Variants in DCP1A observed in about 807,000 individuals in gnomAD.
The protein encoded by DCP1A is mRNA-decapping enzyme 1A.
DCP1A carries 20 observed loss-of-function variants against 58.0 expected under a neutral mutation model. The observed-to-expected ratio is 0.34, with a 90% confidence interval of 0.24 to 0.50. The LOEUF (loss-of-function observed/expected upper bound fraction) is 0.50. Among genes scored for constraint, DCP1A ranks in the 20% least tolerant of loss-of-function variants. The pLI is 0.98. For missense variants in DCP1A, 613 were observed against 712.2 expected (o/e 0.86, Z 1.59); for synonymous variants, 285 against 275.1 (o/e 1.04, Z -0.36).
At chr3:53,294,179 C>T (rs1356712627) in intron 6 of DCP1A, among the ~76,000 whole-genome samples, 1 of 152,188 alleles carries the variant, frequency 6.6e-6, no homozygotes, top group Non-Finnish European at 1.5e-5. Context: ...AGGGCAATGG[C>T]AACATGTCCA....
chr3:53,290,382 C>A (rs999757314), intron 8 of DCP1A, among the ~76,000 whole-genome samples: 26 of 152,054 alleles, frequency 1.7e-4, no homozygotes, highest in Non-Finnish European at 3.4e-4. Flanking sequence ...TAGCAGTCAC[C>A]CATTCACAAA....
intron 3 of DCP1A, among the ~76,000 whole-genome samples, chr3:53,325,551 C>T (rs560719543): frequency 6.6e-6 from 1 of 152,198 alleles, no homozygotes; most frequent in South Asian, 2.1e-4. Context: ...AGATCTCTTA[C>T]ACCAGGAAAC....
At position 53,324,109 on chromosome 3, in the gene DCP1A, A is replaced by G. The variant is rs1032816914; in HGVS notation, c.305-4636T>C. On this transcript the variant is annotated intron_variant, in intron 3 of 9. Coordinates refer to ENST00000610213, the MANE Select transcript of DCP1A (RefSeq NM_018403.7). Reference sequence around the variant, plus strand: ...AAAAAATACAATATAATTTAGAAATAAGACACATGCCTTCTGCTTTTGTAT... The same window carrying G: ...AAAAAATACAATATAATTTAGAAATGAGACACATGCCTTCTGCTTTTGTAT... Among the ~76,000 whole-genome samples, 12 of 152,336 alleles carry G rather than the reference A, an allele frequency of 7.9e-5. No individual in the cohort carries two copies. In the South Asian group the frequency reaches 2.5e-3, roughly 32 times the overall value.
At chr3:53,325,843 A>T (rs1575613494) in intron 3 of DCP1A, among the ~76,000 whole-genome samples, 1 of 152,332 alleles carries the variant, frequency 6.6e-6, no homozygotes, top group East Asian at 1.9e-4. Flanking sequence ...TGGGATCATA[A>T]CAGATTTTGG....
At chr3:53,340,646 A>G (rs2089188656) in intron 3 of DCP1A, among the ~76,000 whole-genome samples, 1 of 151,226 alleles carries the variant, frequency 6.6e-6, no homozygotes, top group East Asian at 2.0e-4. Flanking sequence ...TTCTCCAACT[A>G]TATCCTTAGA....
rs1471591455 is a variant in DCP1A at position 53,287,217 on chromosome 3, AGGCTGGT to A, written c.*356_*362del. On this transcript the variant is annotated 3_prime_UTR_variant, in exon 10 of 10. Transcript: ENST00000610213. ...GGGGCCGGGCTGAACTTCTGCTGTG[AGGCTGGT>A]GACTACTCCTCTGTAAGTCCTTGAA... 3 of 179,864 alleles carry A rather than the reference AGGCTGGT, an allele frequency of 1.7e-5. No homozygotes were observed. The highest frequency in any genetic ancestry group is 3.5e-5 in the Non-Finnish European group (3 of 86,582). The allele number at this position is 179,864 out of a possible 1,614,324, so 11.1% of individuals were successfully genotyped here.
chr3:53,315,534 C>CAAAAAAA (rs1211486616), intron 4 of DCP1A, among the ~76,000 whole-genome samples: 1 of 64,988 alleles, frequency 1.5e-5, no homozygotes, highest in African/African-American at 6.4e-5. Context: ...GACTCTGTCT[C>CAAAAAAA]AAAAAAAAAA....
At chr3:53,325,176 T>A (rs901722292) in intron 3 of DCP1A, among the ~76,000 whole-genome samples, 1 of 152,220 alleles carries the variant, frequency 6.6e-6, no homozygotes, top group South Asian at 2.1e-4. Flanking sequence ...TCACTGTTTC[T>A]CATCTTGAGA....
chr3:53,337,377 G>C (rs1553692059), intron 3 of DCP1A, among the ~76,000 whole-genome samples: 2 of 152,190 alleles, frequency 1.3e-5, no homozygotes, highest in African/African-American at 4.8e-5. Context: ...GGATAACACT[G>C]ATGTCCCTAG....
intron 6 of DCP1A, among the ~76,000 whole-genome samples, chr3:53,299,956 C>A (rs889469853): frequency 6.6e-6 from 1 of 152,218 alleles, no homozygotes; most frequent in Non-Finnish European, 1.5e-5. Flanking sequence ...CAACCTCCCC[C>A]TCCTGGGTTC....
intron 4 of DCP1A, among the ~76,000 whole-genome samples, chr3:53,315,070 G>C (rs1553689098): frequency 1.3e-5 from 2 of 152,056 alleles, no homozygotes; most frequent in Non-Finnish European, 2.9e-5. Context: ...TGGACTCTAA[G>C]GCCTCTTCTA....
rs2128710 is a variant in DCP1A at position 53,301,750 on chromosome 3, G to C, written c.624+2427C>G. 0.013 allele frequency among the ~76,000 whole-genome samples: 2,055 copies of C among 152,222 alleles called. 120 individuals carry two copies. The South Asian group carries it at 0.15, about 11-fold the overall frequency. The stretch of plus-strand genomic sequence containing the variant: ...AACAGTTAAACAAATTTTAGTACTT[G>C]CGTATCATGTAATACTCTCAGTAAT... On this transcript the variant is annotated intron_variant, in intron 6 of 9. Coordinates refer to ENST00000610213, the MANE Select transcript of DCP1A (RefSeq NM_018403.7).
chr3:53,303,448 G>A (rs982100959), intron 6 of DCP1A, among the ~76,000 whole-genome samples: 22 of 151,156 alleles, frequency 1.5e-4, no homozygotes, highest in African/African-American at 5.1e-4. Flanking sequence ...TGTATTTTTA[G>A]TAGAGACAGG....
At chr3:53,329,373 T>G in intron 3 of DCP1A, 2 of 398,538 alleles carry the variant, frequency 5.0e-6, no homozygotes, top group East Asian at 7.1e-5. Context: ...TATCAAGAGA[T>G]CGATGCCCGA....
intron 3 of DCP1A, among the ~76,000 whole-genome samples, chr3:53,334,845 G>GA (rs1553691715): frequency 6.6e-6 from 1 of 152,118 alleles, no homozygotes; most frequent in Admixed American, 6.6e-5. Flanking sequence ...AGAATCTGGG[G>GA]AGACAACTGC....
intron 6 of DCP1A, among the ~76,000 whole-genome samples, chr3:53,293,860 C>T (rs1029054305): frequency 6.6e-6 from 1 of 152,152 alleles, no homozygotes; most frequent in Non-Finnish European, 1.5e-5. Flanking sequence ...TATCAGGTGC[C>T]AGGCATTGTG....
Position 53,288,227 on chromosome 3 carries a change from C to T in DCP1A, c.1506G>A (p.Leu502=). ...CTGTCTGCTGGAAAACACTTGGGGC[C>T]AGCAGGACTGAAGACACTGCAGTGG... is the stretch of plus-strand genomic sequence containing the variant. ...ATTTAVSSVL[L]APSVFQQTVT... The change falls in exon 9 of 10, where the codon CTG becomes CTA. Residue 502 remains leucine, a synonymous_variant. Transcript: ENST00000610213. The T allele has an allele frequency of 6.2e-7, 1 of 1,613,844 alleles. No individual in the cohort carries two copies. The highest frequency in any genetic ancestry group is 1.1e-5 in the South Asian group (1 of 91,074).
At chr3:53,312,434 A>C in intron 4 of DCP1A, 55 bp from the exon 5 acceptor site, 3 of 1,469,042 alleles carry the variant, frequency 2.0e-6, no homozygotes, top group Non-Finnish European at 1.8e-6. Context: ...ATCTGACCCA[A>C]GATTTCTTTT....
At chr3:53,325,116 T>G (rs1483626596) in intron 3 of DCP1A, among the ~76,000 whole-genome samples, 1 of 152,216 alleles carries the variant, frequency 6.6e-6, no homozygotes, top group African/African-American at 2.4e-5. Flanking sequence ...TCTATTTCCT[T>G]AGACCCGTTT....
Sources: allele counts gnomAD v4.1 joint callset (sites outside exome capture counted in the v4.1 genomes callset), GRCh38; gene constraint gnomAD v4.1.1; transcripts MANE v1.5; gene names NCBI Gene and HGNC (gene_info 2026-07-23, HGNC 2026-07-21).